CBR4: variants seen among roughly 807,000 people sequenced by gnomAD.
CBR4 encodes carbonyl reductase 4, also known as 3-oxoacyl-[acyl-carrier-protein] reductase.
In CBR4, 22 loss-of-function variants were observed where a neutral mutation model predicts 21.0. That is an observed-to-expected ratio of 1.05 (90% CI 0.75 to 1.50). The LOEUF is 1.50. Ranked by LOEUF, CBR4 falls within the 40% of genes most tolerant of loss-of-function variation. CBR4 has a pLI of 0.00. For missense variants in CBR4, 302 were observed against 286.3 expected (o/e 1.05, Z -0.40); for synonymous variants, 100 against 104.4 (o/e 0.96, Z 0.26).
intron 2 of CBR4, among the ~76,000 whole-genome samples, chr4:168,978,896 C>CTG (rs1764454785): frequency 6.6e-6 from 1 of 151,966 alleles, no homozygotes; most frequent in South Asian, 2.1e-4. Context: ...CCTGCCTGAG[C>CTG]TCTCAGGCTG....
rs893933653 is a variant in CBR4 at position 168,989,709 on chromosome 4, A to T, written c.*441T>A. ...TATAATTTTTCCACTTTTGAGACAAAATATATAAATCAATACTTGTTTATA... is the reference window on the plus strand; with the variant it reads ...TATAATTTTTCCACTTTTGAGACAATATATATAAATCAATACTTGTTTATA... On this transcript the variant is annotated 3_prime_UTR_variant, in exon 5 of 5. Coordinates refer to ENST00000306193, the MANE Select transcript of CBR4 (RefSeq NM_032783.5). The T allele has an allele frequency of 1.7e-5, 17 of 980,996 alleles. No individual in the cohort carries two copies. The highest frequency in any genetic ancestry group is 1.8e-5 in the Non-Finnish European group (15 of 825,938). 60.8% of individuals were successfully genotyped at this position (980,996 alleles called of 1,614,324 possible). A position where few individuals can be genotyped will look rare whatever the true frequency, so the allele number is the denominator to read the frequency against.
At chr4:168,897,219 G>T (rs924549101) in intron 2 of CBR4, among the ~76,000 whole-genome samples, 2 of 151,944 alleles carry the variant, frequency 1.3e-5, no homozygotes, top group African/African-American at 4.8e-5. Context: ...CTTTCTATGG[G>T]GAACAAAAGT....
chr4:168,921,545 A>G lies in CBR4; in HGVS notation n.170-26780T>C, dbSNP rs1306143762. On this transcript the variant is annotated intron_variant and non_coding_transcript_variant, in intron 2 of 3. Coordinates refer to the CBR4 transcript ENST00000509108. ...CTTTTATGATTTAGGTCAGTGGGTT[A>G]CCAACCCCAGATCTAAGCTGGCAAC... 1.9e-6 allele frequency: 3 copies of G among 1,603,554 alleles called. No homozygotes were observed. The Admixed American group carries it at 5.1e-5, about 27-fold the overall frequency.
At chr4:168,954,333 T>C (rs1763625948) in intron 2 of CBR4, among the ~76,000 whole-genome samples, 1 of 152,242 alleles carries the variant, frequency 6.6e-6, no homozygotes, top group Non-Finnish European at 1.5e-5. Flanking sequence ...TTATAAAGAA[T>C]ACCACAAACT....
chr4:169,002,362 T>C (rs1730526394), intron 3 of CBR4, among the ~76,000 whole-genome samples, 157 bp from the exon 4 acceptor site: 1 of 152,236 alleles, frequency 6.6e-6, no homozygotes, highest in South Asian at 2.1e-4. Context: ...TCATCAGTCA[T>C]TTACGGAAGA....
chr4:168,986,622 G>A (rs1398963830), downstream of CBR4, among the ~76,000 whole-genome samples: 5 of 151,904 alleles, frequency 3.3e-5, no homozygotes, highest in Admixed American at 6.6e-5. Flanking sequence ...TAAATATTTC[G>A]TGAATGAATG....
intron 2 of CBR4, among the ~76,000 whole-genome samples, chr4:168,971,927 G>A (rs1274374828): frequency 6.6e-6 from 1 of 152,148 alleles, no homozygotes; most frequent in Non-Finnish European, 1.5e-5. Context: ...TTGGGTCTTA[G>A]ATTTAAGTCT....
At chr4:168,918,938 A>G (rs1248594095) in intron 2 of CBR4, among the ~76,000 whole-genome samples, 1 of 152,168 alleles carries the variant, frequency 6.6e-6, no homozygotes, top group Non-Finnish European at 1.5e-5. Context: ...GTGATTATGG[A>G]AAAGTCTTGT....
intron 2 of CBR4, chr4:168,913,842 A>G: frequency 1.1e-6 from 1 of 919,796 alleles, no homozygotes; most frequent in Non-Finnish European, 1.8e-6. Flanking sequence ...ATAATGTCTT[A>G]TAGAGAATAG....
intron 2 of CBR4, chr4:168,925,386 T>C: frequency 1.2e-6 from 1 of 828,544 alleles, no homozygotes; most frequent in Non-Finnish European, 2.1e-6. Context: ...GAGTTAACAG[T>C]AGGCAAAGGC....
At position 168,924,570 on chromosome 4, in the gene CBR4, G is replaced by A. The variant is rs113804092; in HGVS notation, n.170-29805C>T. The A allele has an allele frequency of 3.1e-4, 251 of 811,046 alleles. 1 individual carries two copies. The African/African-American group carries it at 3.5e-3, about 11-fold the overall frequency. 50.2% of individuals were successfully genotyped at this position (811,046 alleles called of 1,614,324 possible). A position where few individuals can be genotyped will look rare whatever the true frequency, so the allele number is the denominator to read the frequency against. On this transcript the variant is annotated intron_variant and non_coding_transcript_variant, in intron 2 of 3. Coordinates refer to the CBR4 transcript ENST00000509108. The stretch of plus-strand genomic sequence containing the variant: ...AATCAATCAAAGACAAAAACCATGC[G>A]TTACCCAATGTAGGATTAAGCTTTT...
At chr4:168,901,871 C>CT (rs1756597901) in intron 2 of CBR4, among the ~76,000 whole-genome samples, 2 of 152,068 alleles carry the variant, frequency 1.3e-5, no homozygotes, top group African/African-American at 4.8e-5. Context: ...AAAAGAAAGT[C>CT]AACTACTAAA....
intron 2 of CBR4, among the ~76,000 whole-genome samples, chr4:168,906,296 T>C (rs1271243691): frequency 1.3e-5 from 2 of 152,194 alleles, no homozygotes; most frequent in South Asian, 4.1e-4. Flanking sequence ...CAAAAGAACA[T>C]AAACGTAAAA....
intron 4 of CBR4, chr4:169,001,062 G>GCAACCT (rs1423963276): frequency 6.6e-6 from 1 of 151,964 alleles, no homozygotes; most frequent in African/African-American, 2.4e-5. Context: ...ATAGCTCACT[G>GCAACCT]CAACCTCCAA....
At chr4:169,007,070 T>A (rs1202695284) in intron 2 of CBR4, among the ~76,000 whole-genome samples, 179 bp from the exon 3 acceptor site, 1 of 152,160 alleles carries the variant, frequency 6.6e-6, no homozygotes, top group Non-Finnish European at 1.5e-5. Context: ...TAACAATTGA[T>A]AAACCAGAAA....
downstream of CBR4, among the ~76,000 whole-genome samples, chr4:168,982,766 C>A (rs1578978576): frequency 6.6e-6 from 1 of 152,270 alleles, no homozygotes; most frequent in East Asian, 1.9e-4. Context: ...CTGACAAGAT[C>A]TCTCAAAACA....
chr4:168,923,790 C>G (rs896177795), intron 2 of CBR4, among the ~76,000 whole-genome samples: 1 of 152,108 alleles, frequency 6.6e-6, no homozygotes, highest in Admixed American at 6.5e-5. Context: ...TTAAGAGTTA[C>G]AAATATTCAG....
At chr4:168,928,364 G>C in intron 2 of CBR4, 1 of 182,910 alleles carries the variant, frequency 5.5e-6, no homozygotes. Context: ...TACTACTTTG[G>C]ATTGTTGTGC....
At chr4:168,985,158 G>A (rs1175246873), downstream of CBR4, among the ~76,000 whole-genome samples, 1 of 152,016 alleles carries the variant, frequency 6.6e-6, no homozygotes, top group African/African-American at 2.4e-5. Flanking sequence ...ATCCAACAAA[G>A]GTCTAACATC....
Sources: allele counts gnomAD v4.1 joint callset (sites outside exome capture counted in the v4.1 genomes callset), GRCh38; gene constraint gnomAD v4.1.1; transcripts MANE v1.5; gene names NCBI Gene and HGNC (gene_info 2026-07-23, HGNC 2026-07-21).